USP48: variants seen among roughly 807,000 people sequenced by gnomAD.
USP48 encodes ubiquitin specific peptidase 48.
In USP48, 43 loss-of-function variants were observed where a neutral mutation model predicts 150.7. The ratio of observed to expected loss-of-function variants is 0.29; its 90% confidence interval spans 0.22 to 0.37. USP48 has a LOEUF of 0.37. USP48 is among the 10% of genes least tolerant of loss of function. The probability of loss-of-function intolerance (pLI) is 1.00; values close to 1 mark genes in which losing one functional copy is unlikely to be tolerated. For synonymous variants in USP48, 396 were observed against 425.9 expected (o/e 0.93, Z 0.86); for missense variants, 813 against 1,249.6 (o/e 0.65, Z 5.27).
At chr1:21,780,003 C>T (rs1042879671) in intron 1 of USP48, among the ~76,000 whole-genome samples, 37 of 152,152 alleles carry the variant, frequency 2.4e-4, no homozygotes, top group African/African-American at 8.9e-4. Context: ...GTGGAAGTTT[C>T]GCGGTTCGGT....
chr1:21,720,960 G>A (rs913602424), intron 14 of USP48, 76 bp downstream of exon 14: 1 of 1,567,112 alleles, frequency 6.4e-7, no homozygotes, highest in Non-Finnish European at 8.7e-7. Flanking sequence ...CTACACGAAT[G>A]AGCCACCGTG....
At chr1:21,689,866 C>T in intron 24 of USP48, 108 bp downstream of exon 24, 7 of 1,454,706 alleles carry the variant, frequency 4.8e-6, no homozygotes, top group Non-Finnish European at 9.3e-7. Flanking sequence ...TATCACTACC[C>T]TCTGCTAAAG....
intron 24 of USP48, among the ~76,000 whole-genome samples, chr1:21,687,639 G>C (rs1172877119): frequency 6.6e-6 from 1 of 152,146 alleles, no homozygotes; most frequent in African/African-American, 2.4e-5. Flanking sequence ...ATACCAATTA[G>C]GTTAAAATTA....
At chr1:21,724,425 G>A in intron 11 of USP48, 1 of 482,668 alleles carries the variant, frequency 2.1e-6, no homozygotes, top group South Asian at 3.6e-5. Context: ...ACCCATGTTT[G>A]TTGACTACAA....
intron 1 of USP48, chr1:21,768,123 CG>C (rs1392792487): frequency 1.3e-5 from 2 of 151,692 alleles, no homozygotes; most frequent in Non-Finnish European, 2.9e-5. Context: ...AGGAGAAAGG[CG>C]TGAAGCTGGG....
intron 1 of USP48, among the ~76,000 whole-genome samples, chr1:21,782,547 G>C (rs2097917090): frequency 1.3e-5 from 2 of 152,238 alleles, no homozygotes; most frequent in Non-Finnish European, 2.9e-5. Flanking sequence ...ATCAACGCTT[G>C]CTAAGCTCTC....
In USP48 at chr1:21,706,165, A is replaced by G; in HGVS notation, c.2234T>C (p.Val745Ala). Residue 745 changes from valine to alanine, a missense_variant, in exon 18 of 27, where the codon GTG becomes GCG. Physicochemically the swap from Val to Ala is moderately conservative, Grantham distance 64. Coordinates refer to ENST00000308271, the MANE Select transcript of USP48 (RefSeq NM_032236.8). ...CCACTCTTCTACAAAGAACTGAGAC[A>G]CGATGTAGAGGACATCCGTATCCTA... is the stretch of plus-strand genomic sequence containing the variant. ...WPEDTDVLYI[V>A]SQFFVEEWRK... 1 of 1,613,982 alleles carries G rather than the reference A, an allele frequency of 6.2e-7. No homozygotes were observed. Among genetic ancestry groups the G allele is most frequent in the Non-Finnish European group, 8.5e-7 (1 of 1,179,946 alleles).
intron 23 of USP48, among the ~76,000 whole-genome samples, chr1:21,692,121 C>A (rs2097603690): frequency 6.6e-6 from 1 of 152,048 alleles, no homozygotes; most frequent in African/African-American, 2.4e-5. Context: ...CAGCACTGGC[C>A]TCCTCCCTAA....
intron 3 of USP48, among the ~76,000 whole-genome samples, chr1:21,754,382 C>A (rs1252421980): frequency 2.0e-5 from 3 of 152,066 alleles, no homozygotes; most frequent in Non-Finnish European, 4.4e-5. Flanking sequence ...GAATACAAAA[C>A]CGTAGAATTT....
chr1:21,752,793 A>G (rs369896592), intron 4 of USP48, 142 bp from the exon 5 acceptor site: 15 of 1,204,172 alleles, frequency 1.2e-5, no homozygotes, highest in Admixed American at 9.0e-5. Flanking sequence ...ATGTTCAATC[A>G]GTTTGTGCCC....
rs1320318729 is a variant in USP48, at chr1:21,704,362, T to C, written c.2415A>G (p.Gln805=). The change falls in exon 20 of 27, where the codon CAA becomes CAG. Residue 805 remains glutamine, a synonymous_variant. Coordinates refer to ENST00000308271, the MANE Select transcript of USP48 (RefSeq NM_032236.8). ...LIALIWPSEW[Q]MIQKLFVVDH... is the part of the protein sequence containing the mutation. ...CCACAACAAAGAGCTTTTGTATCATTTGCCACTCACTGGGCCATATGAGAG... is the reference window on the plus strand; with the variant it reads ...CCACAACAAAGAGCTTTTGTATCATCTGCCACTCACTGGGCCATATGAGAG... 6.2e-7 allele frequency: 1 copy of C among 1,613,750 alleles called. No homozygotes were observed. Among genetic ancestry groups the C allele is most frequent in the Admixed American group, 1.7e-5 (1 of 60,016 alleles).
intron 1 of USP48, among the ~76,000 whole-genome samples, chr1:21,758,158 A>G (rs1202494693): frequency 6.6e-6 from 1 of 150,884 alleles, no homozygotes; most frequent in Admixed American, 6.7e-5. Context: ...TGGTACATCT[A>G]TATGGCAGAG....
intron 17 of USP48, 128 bp from the exon 18 acceptor site, chr1:21,706,315 A>C: frequency 6.7e-7 from 1 of 1,493,286 alleles, no homozygotes; most frequent in Non-Finnish European, 9.1e-7. Context: ...TCCTCTACCA[A>C]AAAATAGCAG....
At chr1:21,743,652 G>C (rs2097787118) in intron 8 of USP48, among the ~76,000 whole-genome samples, 4 of 152,166 alleles carry the variant, frequency 2.6e-5, no homozygotes, top group African/African-American at 7.2e-5. Context: ...TCAGATAAGT[G>C]GTTACACTTA....
At chr1:21,754,054 G>A (rs139048667) in intron 3 of USP48, among the ~76,000 whole-genome samples, 1 of 151,980 alleles carries the variant, frequency 6.6e-6, no homozygotes, top group African/African-American at 2.4e-5. Context: ...CCAGCTACTC[G>A]GGAGGCTGAG....
rs114715788 is a variant in USP48, at chr1:21,680,123, C to T, written c.3086-684G>A. Among the ~76,000 whole-genome samples, 248 of 152,346 alleles carry T rather than the reference C, an allele frequency of 1.6e-3. 1 individual carries two copies. The highest frequency in any genetic ancestry group is 5.7e-3 in the African/African-American group (239 of 41,582). On this transcript the variant is annotated intron_variant, in intron 26 of 26. Coordinates refer to ENST00000308271, the MANE Select transcript of USP48 (RefSeq NM_032236.8). ...TTTATTTTGGCCAGTAGATTTGTCT[C>T]TCATTTGCTTTAGCAAGGAATAGCT...
chr1:21,732,148 G>A (rs904253878), intron 9 of USP48, among the ~76,000 whole-genome samples: 2 of 152,014 alleles, frequency 1.3e-5, no homozygotes, highest in Non-Finnish European at 2.9e-5. Flanking sequence ...GCATGGTGAC[G>A]CGCCCCTCTA....
Position 21,679,112 on chromosome 1 carries a change from C to T in USP48, c.*305G>A, listed in dbSNP as rs1214748916. On this transcript the variant is annotated 3_prime_UTR_variant, in exon 27 of 27. Coordinates refer to ENST00000308271, the MANE Select transcript of USP48 (RefSeq NM_032236.8). ...TTATTCCCCTCCCACGACTATAAAT[C>T]TCATATGTAAACATGATTTACTATT... 4.3e-6 allele frequency: 2 copies of T among 465,032 alleles called. No homozygotes were observed. The highest frequency in any genetic ancestry group is 3.7e-5 in the Admixed American group (1 of 26,810). The allele number at this position is 465,032 out of a possible 1,614,324, so 28.8% of individuals were successfully genotyped here. A position where few individuals can be genotyped will look rare whatever the true frequency, so the allele number is the denominator to read the frequency against.
At chr1:21,699,840 T>A (rs1159446269) in intron 22 of USP48, among the ~76,000 whole-genome samples, 1 of 148,624 alleles carries the variant, frequency 6.7e-6, no homozygotes, top group Non-Finnish European at 1.5e-5. Context: ...ACACTTTTAA[T>A]ATATCAACTG....
Sources: allele counts gnomAD v4.1 joint callset (sites outside exome capture counted in the v4.1 genomes callset), GRCh38; gene constraint gnomAD v4.1.1; transcripts MANE v1.5; gene names NCBI Gene and HGNC (gene_info 2026-07-23, HGNC 2026-07-21).